KIF13B: variants seen among roughly 807,000 people sequenced by gnomAD.
KIF13B encodes the protein kinesin family member 13B.
In KIF13B, 127 loss-of-function variants were observed where a neutral mutation model predicts 222.0. That is an observed-to-expected ratio of 0.57 (90% CI 0.50 to 0.66). The LOEUF (loss-of-function observed/expected upper bound fraction) is 0.66, where lower values mean the gene tolerates loss of function less well. Among genes scored for constraint, KIF13B ranks in the 30% least tolerant of loss-of-function variants. The probability of loss-of-function intolerance (pLI) is 0.00; values close to 1 mark genes in which losing one functional copy is unlikely to be tolerated. For synonymous variants in KIF13B, 976 were observed against 919.0 expected, an observed-to-expected ratio of 1.06 and a Z score of -1.12; for missense variants, 2,173 against 2,379.0, an observed-to-expected ratio of 0.91 and a Z score of 1.80.
At chr8:29,133,916 A>C (rs1810451462) in intron 22 of KIF13B, 124 bp downstream of exon 22, 8 of 918,430 alleles carry the variant, frequency 8.7e-6, no homozygotes, top group Non-Finnish European at 1.3e-5. Flanking sequence ...CTCAATCCCC[A>C]CACTCTACAG....
chr8:29,085,705 C>CTTTT lies in KIF13B; in HGVS notation c.4458+7036_4458+7039dup, dbSNP rs71222589. On this transcript the variant is annotated intron_variant, in intron 37 of 39. Transcript: ENST00000524189. ...GTTTTTAAGTAACAGAAATACTCTTCTTTTTTTTTTTTTTTTTTTTTTTTT... is the reference window on the plus strand; with the variant it reads ...GTTTTTAAGTAACAGAAATACTCTTCTTTTTTTTTTTTTTTTTTTTTTTTTTTTT... Among the ~76,000 whole-genome samples, 158 of 48,764 alleles carry CTTTT rather than the reference C, an allele frequency of 3.2e-3. 5 individuals carry two copies. Among genetic ancestry groups the CTTTT allele is most frequent in the African/African-American group, 0.011 (147 of 13,078 alleles). The allele number at this position is 48,764 out of a possible 152,430, so 32.0% of individuals were successfully genotyped here.
intron 13 of KIF13B, among the ~76,000 whole-genome samples, chr8:29,158,659 A>G (rs565677392): frequency 7.2e-5 from 11 of 152,324 alleles, no homozygotes; most frequent in Admixed American, 2.6e-4. Flanking sequence ...AAATTCCACC[A>G]TAAAACTGTT....
At chr8:29,114,559 T>A (rs1420835372) in intron 31 of KIF13B, among the ~76,000 whole-genome samples, 2 of 152,150 alleles carry the variant, frequency 1.3e-5, no homozygotes, top group African/African-American at 4.8e-5. Flanking sequence ...GTTTTCCATT[T>A]GTATGGAATT....
chr8:29,102,669 C>G (rs1033237176), intron 35 of KIF13B, among the ~76,000 whole-genome samples: 1 of 152,162 alleles, frequency 6.6e-6, no homozygotes, highest in Non-Finnish European at 1.5e-5. Context: ...AGGTAAATAA[C>G]GAGAAGTGCC....
chr8:29,092,612 A>G (rs1211914119), intron 37 of KIF13B, 133 bp downstream of exon 37: 1 of 856,170 alleles, frequency 1.2e-6, no homozygotes, highest in Non-Finnish European at 1.8e-6. Context: ...GAAAAGACCG[A>G]CAGCTGTTTC....
chr8:29,216,516 T>C (rs530685200), intron 2 of KIF13B, among the ~76,000 whole-genome samples: 1 of 152,140 alleles, frequency 6.6e-6, no homozygotes, highest in Non-Finnish European at 1.5e-5. Context: ...GGAGAATCAT[T>C]TGAACCTGGG....
intron 1 of KIF13B, among the ~76,000 whole-genome samples, chr8:29,249,657 T>C (rs1352218586): frequency 6.6e-6 from 1 of 152,214 alleles, no homozygotes; most frequent in Non-Finnish European, 1.5e-5. Flanking sequence ...TTCCCTGTGC[T>C]GGCCAAAACT....
chr8:29,220,140 AC>A (rs71551617), intron 2 of KIF13B, among the ~76,000 whole-genome samples: 2 of 152,066 alleles, frequency 1.3e-5, no homozygotes, highest in African/African-American at 4.8e-5. Flanking sequence ...TAAAAATTTA[AC>A]CCCCCTGTAC....
At chr8:29,181,159 C>T (rs1294094432) in intron 7 of KIF13B, among the ~76,000 whole-genome samples, 3 of 152,158 alleles carry the variant, frequency 2.0e-5, no homozygotes, top group Admixed American at 6.5e-5. Context: ...CATGCTATCT[C>T]GTGTTGGTTC....
chr8:29,239,145 A>G (rs1815648740), intron 2 of KIF13B, among the ~76,000 whole-genome samples: 1 of 152,188 alleles, frequency 6.6e-6, no homozygotes, highest in South Asian at 2.1e-4. Context: ...CAGCCCCCCA[A>G]ACCATACACA....
At chr8:29,171,716 A>G (rs914839566) in intron 10 of KIF13B, among the ~76,000 whole-genome samples, 52 of 150,394 alleles carry the variant, frequency 3.5e-4, no homozygotes, top group African/African-American at 1.2e-3. Context: ...TCTTCTGTGA[A>G]GTCCAAATGA....
At chr8:29,243,577 G>C (rs1454888222) in intron 2 of KIF13B, among the ~76,000 whole-genome samples, 1 of 151,450 alleles carries the variant, frequency 6.6e-6, no homozygotes, top group African/African-American at 2.4e-5. Context: ...AATTGCTTGA[G>C]CCCAGGAAGC....
chr8:29,078,647 T>C (rs898408719), intron 37 of KIF13B, among the ~76,000 whole-genome samples: 2 of 152,216 alleles, frequency 1.3e-5, no homozygotes, highest in Non-Finnish European at 2.9e-5. Flanking sequence ...GACTGTGAAG[T>C]ATTTTGCAGC....
intron 21 of KIF13B, among the ~76,000 whole-genome samples, chr8:29,139,548 C>T (rs1444948953): frequency 2.6e-5 from 4 of 152,176 alleles, no homozygotes; most frequent in African/African-American, 9.7e-5. Flanking sequence ...AGAAAGCAGC[C>T]CAACTCCAAC....
intron 2 of KIF13B, among the ~76,000 whole-genome samples, chr8:29,225,477 G>A (rs1018723122): frequency 6.6e-6 from 1 of 152,174 alleles, no homozygotes; most frequent in African/African-American, 2.4e-5. Flanking sequence ...CAGGTCAAAG[G>A]CTGTTGAAAT....
In KIF13B at chr8:29,116,837, G is replaced by C; in HGVS notation, c.3831C>G (p.Gly1277=). Residue 1277 remains glycine, a synonymous_variant, in exon 31 of 40, where the codon GGC becomes GGG. Coordinates refer to ENST00000524189, the MANE Select transcript of KIF13B (RefSeq NM_015254.4). The part of the protein sequence containing the change: ...LRKRICVNVH[G]RQGFAQSLLK... The stretch of plus-strand genomic sequence containing the variant: ...TCTTCCACTGAAGACTAACCTGGCG[G>C]CCGTGAACATTGACACAGATTCTCT... The C allele has an allele frequency of 1.2e-6, 2 of 1,605,352 alleles. No individual in the cohort carries two copies. Among genetic ancestry groups the C allele is most frequent in the Non-Finnish European group, 1.7e-6 (2 of 1,173,768 alleles).
At chr8:29,122,668 G>T (rs751807285) in intron 28 of KIF13B, 22 bp from the exon 29 acceptor site, 1 of 1,593,748 alleles carries the variant, frequency 6.3e-7, no homozygotes, top group East Asian at 2.3e-5. Context: ...AGAACAAATG[G>T]CATCTGCCTC....
chr8:29,224,095 TTCACGCCATTC>T (rs1055188841), intron 2 of KIF13B, among the ~76,000 whole-genome samples: 6 of 148,262 alleles, frequency 4.0e-5, no homozygotes, highest in Non-Finnish European at 8.9e-5. Context: ...ACCTCCTGGG[TTCACGCCATTC>T]TCCGCCTCCC....
intron 2 of KIF13B, among the ~76,000 whole-genome samples, chr8:29,220,337 T>C (rs111461739): frequency 7.9e-4 from 121 of 152,214 alleles, no homozygotes; most frequent in African/African-American, 2.6e-3. Flanking sequence ...TAAACTGGCA[T>C]GGAAATTTAA....
Sources: gnomAD v4.1 joint callset for allele counts (sites outside exome capture counted in the v4.1 genomes callset) on GRCh38, gnomAD v4.1.1 for gene constraint, MANE v1.5 for transcripts, NCBI Gene and HGNC (gene_info 2026-07-23, HGNC 2026-07-21) for gene names.